Variants in SFMBT2 observed in about 807,000 individuals in gnomAD.
SFMBT2 encodes scm-like with four MBT domains protein 2.
A neutral mutation model predicts 110.1 loss-of-function variants in SFMBT2; 38 were observed. The observed-to-expected ratio is 0.35, with a 90% CI of 0.27 to 0.45. The LOEUF (loss-of-function observed/expected upper bound fraction) is 0.45, where lower values mean the gene tolerates loss of function less well. Among genes scored for constraint, SFMBT2 ranks in the 20% least tolerant of loss-of-function variants. SFMBT2 has a pLI of 1.00. For synonymous variants in SFMBT2, 425 were observed against 425.4 expected (o/e 1.00, Z 0.01); for missense variants, 1,011 against 1,094.9 (o/e 0.92, Z 1.08).
intron 12 of SFMBT2, chr10:7,204,874 TA>T (rs560766656): frequency 0.037 from 23,863 of 651,170 alleles, no homozygotes; most frequent in Non-Finnish European, 0.041. Context: ...ACTCCATCTT[TA>T]AAAAAAAAAA....
chr10:7,220,991 T>A (rs1839714508), intron 10 of SFMBT2, among the ~76,000 whole-genome samples: 1 of 151,988 alleles, frequency 6.6e-6, no homozygotes. Flanking sequence ...CATGCCTGGC[T>A]AATTTTTTGT....
chr10:7,330,545 G>A (rs1588454537), intron 4 of SFMBT2, among the ~76,000 whole-genome samples: 2 of 152,130 alleles, frequency 1.3e-5, no homozygotes, highest in Non-Finnish European at 2.9e-5. Flanking sequence ...GCAGGTACTT[G>A]CATCACTTGG....
chr10:7,368,419 TG>T, intron 3 of SFMBT2: 1 of 958,658 alleles, frequency 1.0e-6, no homozygotes, highest in Non-Finnish European at 1.2e-6. Flanking sequence ...TCCAGCCTGG[TG>T]GGTCTTAACA....
At chr10:7,246,186 A>G (rs1166866355) in intron 8 of SFMBT2, 1 of 984,670 alleles carries the variant, frequency 1.0e-6, no homozygotes, top group Non-Finnish European at 1.2e-6. Context: ...CTTTGCTACA[A>G]AGGGTAAGAA....
At chr10:7,378,746 GGT>G (rs1845342205) in intron 2 of SFMBT2, among the ~76,000 whole-genome samples, 1 of 147,254 alleles carries the variant, frequency 6.8e-6, no homozygotes. Flanking sequence ...GCTGTGGGGT[GGT>G]GTGAGTGTGG....
chr10:7,331,041 G>T (rs952550196), intron 4 of SFMBT2, among the ~76,000 whole-genome samples: 1 of 152,212 alleles, frequency 6.6e-6, no homozygotes, highest in African/African-American at 2.4e-5. Flanking sequence ...CTAGCACAAG[G>T]ATAGGTATTT....
intron 7 of SFMBT2, among the ~76,000 whole-genome samples, chr10:7,265,373 T>C (rs752687519): frequency 2.0e-5 from 3 of 152,138 alleles, no homozygotes; most frequent in Non-Finnish European, 4.4e-5. Flanking sequence ...GACTAATTTT[T>C]GTATATTGTG....
intron 4 of SFMBT2, among the ~76,000 whole-genome samples, chr10:7,359,102 C>T (rs1024427248): frequency 3.3e-5 from 5 of 152,172 alleles, no homozygotes; most frequent in South Asian, 2.1e-4. Flanking sequence ...GGGAGGTCAA[C>T]GAGGCAGGGT....
chr10:7,233,096 G>A (rs369673243), intron 9 of SFMBT2, among the ~76,000 whole-genome samples: 2 of 151,980 alleles, frequency 1.3e-5, no homozygotes, highest in Non-Finnish European at 2.9e-5. Flanking sequence ...GGGTGGCTAC[G>A]AAAAATACAT....
intron 11 of SFMBT2, among the ~76,000 whole-genome samples, chr10:7,213,377 T>A (rs902612808): frequency 1.3e-5 from 2 of 151,708 alleles, no homozygotes; most frequent in Non-Finnish European, 2.9e-5. Context: ...GCGGCTGAAA[T>A]CACAGAGCCA....
rs556806589 is a variant in SFMBT2, at chr10:7,307,808, A to G, written c.437-21854T>C. ...ACTGGAGACACAGAAAGCATAAAAG[A>G]TCAATAAAATCAGCTTAGTAAAATT... is the stretch of plus-strand genomic sequence containing the variant. On this transcript the variant is annotated intron_variant, in intron 4 of 20. Coordinates refer to ENST00000397167, the MANE Select transcript of SFMBT2 (RefSeq NM_001387889.1). Among the ~76,000 whole-genome samples the G allele has an allele frequency of 5.9e-5, 9 of 152,360 alleles. No individual in the cohort carries two copies. The South Asian group carries it at 1.9e-3, about 32-fold the overall frequency.
intron 20 of SFMBT2, among the ~76,000 whole-genome samples, chr10:7,164,692 G>C (rs1022900686): frequency 2.0e-5 from 3 of 151,812 alleles, no homozygotes; most frequent in African/African-American, 7.3e-5. Context: ...TAGGATGGGT[G>C]AGAAGATGCT....
intron 1 of SFMBT2, among the ~76,000 whole-genome samples, chr10:7,410,432 C>T (rs1044816513): frequency 6.6e-6 from 1 of 152,200 alleles, no homozygotes; most frequent in Non-Finnish European, 1.5e-5. Flanking sequence ...GCGGCTGCGT[C>T]GCTAAAATGA....
intron 4 of SFMBT2, among the ~76,000 whole-genome samples, chr10:7,323,401 A>T (rs767287798): frequency 2.7e-5 from 4 of 149,404 alleles, no homozygotes; most frequent in Admixed American, 6.7e-5. Context: ...CAGTGAGCCA[A>T]GATCATGCCA....
At chr10:7,240,037 TTAA>T (rs1421155607) in intron 9 of SFMBT2, among the ~76,000 whole-genome samples, 1 of 152,198 alleles carries the variant, frequency 6.6e-6, no homozygotes, top group Non-Finnish European at 1.5e-5. Context: ...CCCTCCATTT[TTAA>T]TAATATGTGT....
intron 12 of SFMBT2, chr10:7,203,129 T>C: frequency 1.0e-6 from 1 of 983,290 alleles, no homozygotes; most frequent in Non-Finnish European, 1.2e-6. Context: ...ATCTACTAAC[T>C]TTGGCTCAGA....
At chr10:7,197,722 C>T (rs767085034) in intron 14 of SFMBT2, 35 bp from the exon 15 acceptor site, 6 of 1,607,680 alleles carry the variant, frequency 3.7e-6, no homozygotes, top group Non-Finnish European at 5.1e-6. Flanking sequence ...ATGCTTAGGA[C>T]CACAGCCCCA....
chr10:7,176,275 T>C, intron 16 of SFMBT2, 110 bp from the exon 17 acceptor site: 2 of 1,200,218 alleles, frequency 1.7e-6, no homozygotes, highest in Non-Finnish European at 2.4e-6. Context: ...TGACAAAGCA[T>C]ATCGCGTGCA....
intron 6 of SFMBT2, among the ~76,000 whole-genome samples, chr10:7,277,857 G>A (rs1536499): frequency 0.62 from 94,885 of 152,138 alleles, 30,734 homozygotes; most frequent in African/African-American, 0.79. Flanking sequence ...AAAAGCAACA[G>A]TAAACCTTTG....
Sources: gnomAD v4.1 joint callset for allele counts (sites outside exome capture counted in the v4.1 genomes callset) on GRCh38, gnomAD v4.1.1 for gene constraint, MANE v1.5 for transcripts, NCBI Gene and HGNC (gene_info 2026-07-23, HGNC 2026-07-21) for gene names.